Variants in SPOCK3 observed in about 807,000 individuals in gnomAD.
The protein encoded by SPOCK3 is SPARC (osteonectin), cwcv and kazal like domains proteoglycan 3, also known as testican-3.
A neutral mutation model predicts 56.6 loss-of-function variants in SPOCK3; 30 were observed. That is an observed-to-expected ratio of 0.53 (90% CI 0.40 to 0.72). The LOEUF is 0.72. Among genes scored for constraint, SPOCK3 ranks in the 30% least tolerant of loss-of-function variants. SPOCK3 has a pLI of 0.00. For missense variants in SPOCK3, 527 were observed against 530.0 expected (o/e 0.99, Z 0.06); for synonymous variants, 196 against 183.3 (o/e 1.07, Z -0.56).
chr4:166,845,784 C>A (rs1449626471), intron 6 of SPOCK3, among the ~76,000 whole-genome samples: 1 of 152,080 alleles, frequency 6.6e-6, no homozygotes, highest in Non-Finnish European at 1.5e-5. Flanking sequence ...CTTTAAGATG[C>A]AATAAAATTA....
intron 2 of SPOCK3, among the ~76,000 whole-genome samples, chr4:167,175,599 T>A (rs1232994113): frequency 6.6e-6 from 1 of 152,030 alleles, no homozygotes; most frequent in Non-Finnish European, 1.5e-5. Flanking sequence ...ATGACTGGCG[T>A]CCTTATAATA....
chr4:166,974,372 G>T (rs1466448601), intron 4 of SPOCK3, among the ~76,000 whole-genome samples: 1 of 151,972 alleles, frequency 6.6e-6, no homozygotes, highest in Non-Finnish European at 1.5e-5. Flanking sequence ...AATACTAAAA[G>T]AACATAATAA....
intron 2 of SPOCK3, among the ~76,000 whole-genome samples, chr4:167,111,787 T>A (rs1359215588): frequency 1.3e-5 from 2 of 151,902 alleles, no homozygotes; most frequent in Non-Finnish European, 2.9e-5. Context: ...AGACAAGGTC[T>A]TGCACTGTTG....
intron 2 of SPOCK3, among the ~76,000 whole-genome samples, chr4:167,212,095 G>T (rs115871208): frequency 0.011 from 1,638 of 152,178 alleles, 26 homozygotes; most frequent in African/African-American, 0.031. Flanking sequence ...ATACAGGGTT[G>T]TTATTAATAT....
At chr4:167,182,973 T>C (rs1411806037) in intron 2 of SPOCK3, among the ~76,000 whole-genome samples, 5 of 152,348 alleles carry the variant, frequency 3.3e-5, no homozygotes, top group African/African-American at 1.2e-4. Flanking sequence ...TCCTGCCATG[T>C]GATTTGCTTT....
rs1370504099 is a variant in SPOCK3, at chr4:166,733,608, A to G, written c.*1313T>C. The G allele has an allele frequency of 1.3e-5, 2 of 152,040 alleles. No homozygotes were observed. The highest frequency in any genetic ancestry group is 3.0e-5 in the Non-Finnish European group (2 of 67,732). 9.4% of individuals were successfully genotyped at this position (152,040 alleles called of 1,614,324 possible). A position where few individuals can be genotyped will look rare whatever the true frequency, so the allele number is the denominator to read the frequency against. ...TACGTAACATTCAACAGGTTTTTCC[A>G]TTTTTATTATGGGCACAAAACCATT... On this transcript the variant is annotated 3_prime_UTR_variant, in exon 11 of 11. Coordinates refer to ENST00000357545, the MANE Select transcript of SPOCK3 (RefSeq NM_001040159.2).
chr4:166,860,409 G>A (rs905342050), intron 6 of SPOCK3, among the ~76,000 whole-genome samples: 9 of 151,958 alleles, frequency 5.9e-5, no homozygotes, highest in African/African-American at 2.2e-4. Flanking sequence ...GAAAACATGA[G>A]GGACACAGCT....
chr4:166,918,876 G>A (rs1376541932), intron 4 of SPOCK3, among the ~76,000 whole-genome samples: 1 of 152,092 alleles, frequency 6.6e-6, no homozygotes, highest in African/African-American at 2.4e-5. Context: ...ATGGTAATGA[G>A]TGAGTCCTTG....
intron 6 of SPOCK3, among the ~76,000 whole-genome samples, chr4:166,861,812 G>GT (rs1050137465): frequency 3.7e-4 from 57 of 152,222 alleles, no homozygotes; most frequent in African/African-American, 1.3e-3. Context: ...ACAAAGTAGA[G>GT]TTTTTTGGCA....
At chr4:167,128,954 T>C (rs976487578) in intron 2 of SPOCK3, among the ~76,000 whole-genome samples, 2 of 152,166 alleles carry the variant, frequency 1.3e-5, no homozygotes, top group Non-Finnish European at 2.9e-5. Flanking sequence ...CCTACCAGAC[T>C]GTGGAGTGAA....
intron 6 of SPOCK3, among the ~76,000 whole-genome samples, chr4:166,801,303 C>G (rs1742570772): frequency 6.6e-6 from 1 of 152,078 alleles, no homozygotes; most frequent in East Asian, 1.9e-4. Flanking sequence ...ATCTGGTACT[C>G]CTAATTCAAA....
intron 3 of SPOCK3, among the ~76,000 whole-genome samples, chr4:167,002,979 T>C (rs763063377): frequency 2.6e-5 from 4 of 152,196 alleles, no homozygotes; most frequent in African/African-American, 4.8e-5. Context: ...CTTGGACTTA[T>C]GTTCTGAAAA....
At chr4:166,952,052 T>C (rs934270352) in intron 4 of SPOCK3, among the ~76,000 whole-genome samples, 8 of 152,188 alleles carry the variant, frequency 5.3e-5, no homozygotes, top group African/African-American at 9.7e-5. Context: ...TCACCACTCC[T>C]ATTCAACATA....
At position 167,155,445 on chromosome 4, in the gene SPOCK3, T is replaced by A. The variant is rs986591102; in HGVS notation, c.189+78540A>T. On this transcript the variant is annotated intron_variant, in intron 2 of 10. Coordinates refer to ENST00000357545, the MANE Select transcript of SPOCK3 (RefSeq NM_001040159.2). Reference sequence around the variant, plus strand: ...TCTGCTAATATCTACTATTTTTAAATCCAGAAAATGGAACCAAACAATATT... The same window carrying A: ...TCTGCTAATATCTACTATTTTTAAAACCAGAAAATGGAACCAAACAATATT... Among the ~76,000 whole-genome samples, 6 of 152,160 alleles carry A rather than the reference T, an allele frequency of 3.9e-5. No homozygotes were observed. In the South Asian group the frequency reaches 1.0e-3, roughly 26 times the overall value.
chr4:166,985,651 A>G (rs1191028816), intron 4 of SPOCK3, among the ~76,000 whole-genome samples: 1 of 152,124 alleles, frequency 6.6e-6, no homozygotes, highest in African/African-American at 2.4e-5. Context: ...ATAATAATGA[A>G]CCACATTTTC....
In SPOCK3 at chr4:167,144,594, A is replaced by G. The variant is rs1489204970; in HGVS notation, c.190-82057T>C. 3.3e-5 allele frequency among the ~76,000 whole-genome samples: 5 copies of G among 152,114 alleles called. No individual in the cohort carries two copies. The East Asian group carries it at 9.7e-4, about 29-fold the overall frequency. ...TTAGTGAAGAGCATCAGATAGTGAT[A>G]GGTAATAAATGATATGGAGAAGGGA... On this transcript the variant is annotated intron_variant, in intron 2 of 10. Transcript: ENST00000357545.
intron 2 of SPOCK3, among the ~76,000 whole-genome samples, chr4:167,104,424 G>GA (rs1759918437): frequency 6.6e-6 from 1 of 152,036 alleles, no homozygotes; most frequent in African/African-American, 2.4e-5. Flanking sequence ...CTCTGGAGTT[G>GA]AAAAAATGCA....
In SPOCK3 at chr4:166,850,653, G is replaced by A. The variant is rs534269363; in HGVS notation, c.589+38477C>T. 5.3e-5 allele frequency among the ~76,000 whole-genome samples: 8 copies of A among 152,354 alleles called. No individual in the cohort carries two copies. The South Asian group carries it at 1.0e-3, about 20-fold the overall frequency. On this transcript the variant is annotated intron_variant, in intron 6 of 10. Transcript: ENST00000357545. ...AGCAGGGCGAGGCATTGCCTCACTCGGGAAGCGCAAGGGGTCAGGGAGTTC... is the reference window on the plus strand; with the variant it reads ...AGCAGGGCGAGGCATTGCCTCACTCAGGAAGCGCAAGGGGTCAGGGAGTTC...
chr4:166,894,983 C>A (rs1735215764), intron 5 of SPOCK3, among the ~76,000 whole-genome samples: 1 of 152,004 alleles, frequency 6.6e-6, no homozygotes, highest in African/African-American at 2.4e-5. Flanking sequence ...TCCTAAACTT[C>A]AAAATGTAAT....
Sources: allele counts gnomAD v4.1 joint callset (sites outside exome capture counted in the v4.1 genomes callset), GRCh38; gene constraint gnomAD v4.1.1; transcripts MANE v1.5; gene names NCBI Gene and HGNC (gene_info 2026-07-23, HGNC 2026-07-21).